Variants in CYP7B1 observed in about 807,000 individuals in gnomAD.
The protein encoded by CYP7B1 is cytochrome P450 7B1.
In CYP7B1, 29 loss-of-function variants were observed where a neutral mutation model predicts 42.7. The observed-to-expected ratio is 0.68, with a 90% CI of 0.51 to 0.93. The LOEUF is 0.93. Ranked by LOEUF, CYP7B1 falls within the 40% of genes least tolerant of loss-of-function variation. The pLI is 0.00. For synonymous variants in CYP7B1, 235 were observed against 218.2 expected (o/e 1.08, Z -0.68); for missense variants, 655 against 600.5 (o/e 1.09, Z -0.95).
At chr8:64,735,601 T>C (rs1389750447) in intron 1 of CYP7B1, among the ~76,000 whole-genome samples, 1 of 152,216 alleles carries the variant, frequency 6.6e-6, no homozygotes, top group Non-Finnish European at 1.5e-5. Flanking sequence ...CATGTATACA[T>C]GAGGTATACA....
At chr8:64,738,846 G>C (rs907850457) in intron 1 of CYP7B1, among the ~76,000 whole-genome samples, 4 of 152,172 alleles carry the variant, frequency 2.6e-5, no homozygotes, top group Admixed American at 2.6e-4. Flanking sequence ...AAACTGGTAG[G>C]AAACACTTAA....
At chr8:64,630,061 C>G (rs1308498814) in intron 1 of CYP7B1, among the ~76,000 whole-genome samples, 2 of 152,046 alleles carry the variant, frequency 1.3e-5, no homozygotes, top group African/African-American at 2.4e-5. Flanking sequence ...AGGGCTATAC[C>G]CAAAGATATC....
chr8:64,600,759 C>T (rs527878731), intron 5 of CYP7B1, among the ~76,000 whole-genome samples: 6 of 152,200 alleles, frequency 3.9e-5, no homozygotes, highest in African/African-American at 1.4e-4. Context: ...CACTACAAAT[C>T]AGGGCTCAGA....
At chr8:64,704,671 C>T (rs1473475418) in intron 1 of CYP7B1, among the ~76,000 whole-genome samples, 1 of 152,014 alleles carries the variant, frequency 6.6e-6, no homozygotes, top group Non-Finnish European at 1.5e-5. Context: ...AGACATACCT[C>T]TTGACTTTTG....
chr8:64,712,364 G>A (rs1194886598), intron 1 of CYP7B1, among the ~76,000 whole-genome samples: 1 of 151,814 alleles, frequency 6.6e-6, no homozygotes, highest in Non-Finnish European at 1.5e-5. Flanking sequence ...CAGAAAACAG[G>A]CTGCCCTGCC....
chr8:64,670,748 A>C (rs1806354217), intron 1 of CYP7B1, among the ~76,000 whole-genome samples: 1 of 152,232 alleles, frequency 6.6e-6, no homozygotes, highest in African/African-American at 2.4e-5. Flanking sequence ...ACTGGGTTTT[A>C]GTTACTGTCA....
rs1805418041 is a variant in CYP7B1, at chr8:64,615,172, G to C, written c.911C>G (p.Ala304Gly). 6.2e-7 allele frequency: 1 copy of C among 1,613,462 alleles called. No homozygotes were observed. Among genetic ancestry groups the C allele is most frequent in the Non-Finnish European group, 8.5e-7 (1 of 1,179,766 alleles). ...VANTIPTMFW[A>G]MYYLLRHPEA... Reference sequence around the variant, plus strand: ...TGGGTGCCGCAGAAGATAATACATTGCCCAGAACATAGTTGGAATAGTGTT... The same window carrying C: ...TGGGTGCCGCAGAAGATAATACATTCCCCAGAACATAGTTGGAATAGTGTT... The change falls in exon 4 of 6, where the codon GCA (alanine) becomes GGA (glycine). Residue 304 changes from alanine to glycine, a missense_variant. Transcript: ENST00000310193.
At chr8:64,775,853 G>C (rs966023775) in intron 1 of CYP7B1, among the ~76,000 whole-genome samples, 1 of 152,074 alleles carries the variant, frequency 6.6e-6, no homozygotes, top group Non-Finnish European at 1.5e-5. Context: ...TGTGATTTGG[G>C]GGGGTGGTAA....
rs556316606 is a variant in CYP7B1, at chr8:64,591,179, A to G, written c.*5463T>C. Reference sequence around the variant, plus strand: ...TAAACAAAATAAACATTTAAGCCAAAAAGTTCAAACATCAATGATCACTGA... The same window carrying G: ...TAAACAAAATAAACATTTAAGCCAAGAAGTTCAAACATCAATGATCACTGA... On this transcript the variant is annotated 3_prime_UTR_variant, in exon 6 of 6. Transcript: ENST00000310193. Among the ~76,000 whole-genome samples, 2 of 152,314 alleles carry G rather than the reference A, an allele frequency of 1.3e-5. No individual in the cohort carries two copies. Among genetic ancestry groups the G allele is most frequent in the East Asian group, 3.9e-4 (2 of 5,186 alleles).
intron 4 of CYP7B1, among the ~76,000 whole-genome samples, chr8:64,613,557 T>C (rs553398226): frequency 3.3e-5 from 5 of 152,262 alleles, no homozygotes; most frequent in South Asian, 4.1e-4. Flanking sequence ...TAGATCTTCA[T>C]AGAAATTACA....
chr8:64,741,381 G>A (rs926135071), intron 1 of CYP7B1, among the ~76,000 whole-genome samples: 2 of 151,886 alleles, frequency 1.3e-5, no homozygotes, highest in African/African-American at 2.4e-5. Context: ...GTGTAATGGC[G>A]CGATCTCGGC....
chr8:64,776,608 C>A (rs1804330763), intron 1 of CYP7B1, among the ~76,000 whole-genome samples: 3 of 152,114 alleles, frequency 2.0e-5, no homozygotes, highest in Admixed American at 1.3e-4. Context: ...AGGCATTACT[C>A]AGATGTGCTT....
At position 64,593,236 on chromosome 8, in the gene CYP7B1, T is replaced by G. The variant is rs1215658011; in HGVS notation, c.*3406A>C. Among the ~76,000 whole-genome samples the G allele has an allele frequency of 2.6e-3, 82 of 31,874 alleles. 1 individual carries two copies. The highest frequency in any genetic ancestry group is 0.022 in the East Asian group (8 of 372). 20.9% of individuals were successfully genotyped at this position (31,874 alleles called of 152,430 possible). A position where few individuals can be genotyped will look rare whatever the true frequency, so the allele number is the denominator to read the frequency against. On this transcript the variant is annotated 3_prime_UTR_variant, in exon 6 of 6. Transcript: ENST00000310193. The stretch of plus-strand genomic sequence containing the variant: ...GGACTAAAGGCTAGGGCCCAGGGTG[T>G]GTGTGTGTGTGTGTGTGTGTGTGTG...
Position 64,631,863 on chromosome 8 carries a change from G to A in CYP7B1, c.123-7324C>T, listed in dbSNP as rs1022062122. Reference sequence around the variant, plus strand: ...GGGAAATGCAAATTAAATTCACAATGAGATAGCACCTCATACCTGTCAGGA... The same window carrying A: ...GGGAAATGCAAATTAAATTCACAATAAGATAGCACCTCATACCTGTCAGGA... On this transcript the variant is annotated intron_variant, in intron 1 of 5. Coordinates refer to ENST00000310193, the MANE Select transcript of CYP7B1 (RefSeq NM_004820.5). Among the ~76,000 whole-genome samples, 9 of 151,430 alleles carry A rather than the reference G, an allele frequency of 5.9e-5. No homozygotes were observed. In the South Asian group the frequency reaches 1.0e-3, roughly 18 times the overall value.
chr8:64,665,559 GTTTTTTTTTTTTTTTTTTTTTTT>G (rs540578806), intron 1 of CYP7B1, among the ~76,000 whole-genome samples: 3 of 52,022 alleles, frequency 5.8e-5, no homozygotes, highest in African/African-American at 8.5e-5. Context: ...TTTTTTGGTG[GTTTTTTTTTTTTTTTTTTTTTTT>G]TTTTTTTTTT....
chr8:64,635,019 G>A (rs986830262), intron 1 of CYP7B1, among the ~76,000 whole-genome samples: 1 of 152,140 alleles, frequency 6.6e-6, no homozygotes, highest in Non-Finnish European at 1.5e-5. Flanking sequence ...AGGTCCTGAT[G>A]GTCTCTTCAA....
At position 64,615,198 on chromosome 8, in the gene CYP7B1, T is replaced by C. The variant is rs1345953926; in HGVS notation, c.885A>G (p.Ala295=). 1 of 1,613,300 alleles carries C rather than the reference T, an allele frequency of 6.2e-7. No homozygotes were observed. Among genetic ancestry groups the C allele is most frequent in the Non-Finnish European group, 8.5e-7 (1 of 1,179,640 alleles). ...HHLGFLWASV[A]NTIPTMFWAM... is the part of the protein sequence containing the mutation. ...CCCAGAACATAGTTGGAATAGTGTT[T>C]GCCACAGAGGCCCAGAGAAAGCCTA... Residue 295 remains alanine, a synonymous_variant, in exon 4 of 6, where the codon GCA becomes GCG. Transcript: ENST00000310193.
intron 1 of CYP7B1, among the ~76,000 whole-genome samples, chr8:64,781,405 A>G (rs1157334573): frequency 6.6e-6 from 1 of 152,164 alleles, no homozygotes; most frequent in Admixed American, 6.6e-5. Flanking sequence ...GCCAGAAGAC[A>G]TGGGCCTCAC....
intron 1 of CYP7B1, among the ~76,000 whole-genome samples, chr8:64,737,364 C>T (rs998832373): frequency 6.6e-6 from 1 of 152,168 alleles, no homozygotes; most frequent in South Asian, 2.1e-4. Flanking sequence ...GAAACAGCTA[C>T]ATTGGCAAGT....
Sources: allele counts gnomAD v4.1 joint callset (sites outside exome capture counted in the v4.1 genomes callset), GRCh38; gene constraint gnomAD v4.1.1; transcripts MANE v1.5; gene names NCBI Gene and HGNC (gene_info 2026-07-23, HGNC 2026-07-21).